Variants in PPFIA2 observed in about 807,000 individuals in gnomAD.
PPFIA2 encodes PPFI scaffold protein A2.
Under a neutral mutation model 175.5 loss-of-function variants are expected in PPFIA2, and 46 were observed. The observed-to-expected ratio is 0.26, with a 90% CI of 0.21 to 0.34. The LOEUF is 0.34. Among genes scored for constraint, PPFIA2 ranks in the 10% least tolerant of loss-of-function variants. The probability of loss-of-function intolerance (pLI) is 1.00; values close to 1 mark genes in which losing one functional copy is unlikely to be tolerated. For synonymous variants in PPFIA2, 568 were observed against 511.4 expected (o/e 1.11, Z -1.49); for missense variants, 1,179 against 1,506.1 (o/e 0.78, Z 3.60).
At chr12:81,506,842 A>C (rs755572127) in intron 4 of PPFIA2, among the ~76,000 whole-genome samples, 8 of 152,234 alleles carry the variant, frequency 5.3e-5, no homozygotes, top group Non-Finnish European at 1.2e-4. Flanking sequence ...CAACACAGAT[A>C]ATATGTATAC....
chr12:81,642,689 T>C (rs1214393171), intron 4 of PPFIA2, among the ~76,000 whole-genome samples: 4,018 of 99,988 alleles, frequency 0.04, 1,306 homozygotes, highest in East Asian at 0.2. Flanking sequence ...GTATCTATTA[T>C]ATACATACAT....
At chr12:81,696,477 C>T (rs1254796801) in intron 3 of PPFIA2, among the ~76,000 whole-genome samples, 1 of 152,082 alleles carries the variant, frequency 6.6e-6, no homozygotes, top group Admixed American at 6.6e-5. Flanking sequence ...TGACATATTG[C>T]ATATTTGCAT....
At chr12:81,372,887 G>A (rs775132787) in intron 11 of PPFIA2, among the ~76,000 whole-genome samples, 11 of 151,588 alleles carry the variant, frequency 7.3e-5, no homozygotes, top group Non-Finnish European at 1.6e-4. Flanking sequence ...ACAGTAAAGG[G>A]AGGAGAAAGC....
chr12:81,643,667 T>C (rs1314588488), intron 4 of PPFIA2, among the ~76,000 whole-genome samples: 1 of 151,898 alleles, frequency 6.6e-6, no homozygotes, highest in East Asian at 1.9e-4. Context: ...GAATTTGGAG[T>C]CACCTGAAGG....
At chr12:81,726,433 C>T (rs1036908696) in intron 3 of PPFIA2, among the ~76,000 whole-genome samples, 4 of 151,222 alleles carry the variant, frequency 2.6e-5, no homozygotes, top group Non-Finnish European at 5.9e-5. Context: ...ACCCTTTATA[C>T]TTGAAATCTT....
In PPFIA2 at chr12:81,347,906, T is replaced by G. The variant is rs544831677; in HGVS notation, c.1995-136A>C. ...AACATTTTACATCAAATCTAATTTT[T>G]TCATCTTTTTTTTTTCTCTAAATAG... On this transcript the variant is annotated intron_variant, in intron 17 of 32. Transcript: ENST00000549396. The G allele has an allele frequency of 6.0e-6, 8 of 1,332,372 alleles. No homozygotes were observed. In the East Asian group the frequency reaches 2.2e-4, roughly 36 times the overall value. 82.5% of individuals were successfully genotyped at this position (1,332,372 alleles called of 1,614,324 possible). A position where few individuals can be genotyped will look rare whatever the true frequency, so the allele number is the denominator to read the frequency against.
intron 16 of PPFIA2, among the ~76,000 whole-genome samples, chr12:81,355,960 C>T (rs2060794293): frequency 6.6e-6 from 1 of 152,194 alleles, no homozygotes; most frequent in African/African-American, 2.4e-5. Flanking sequence ...TATTTTCCTT[C>T]AGGAACTTTT....
At chr12:81,335,033 C>A (rs922210830) in intron 21 of PPFIA2, among the ~76,000 whole-genome samples, 1 of 152,108 alleles carries the variant, frequency 6.6e-6, no homozygotes, top group Non-Finnish European at 1.5e-5. Context: ...GCACCTATTT[C>A]TAGCGTTTCA....
intron 7 of PPFIA2, 54 bp from the exon 8 acceptor site, chr12:81,405,957 A>G (rs567857388): frequency 2.0e-5 from 20 of 999,138 alleles, no homozygotes; most frequent in Admixed American, 2.6e-5. Flanking sequence ...TAAAATATAA[A>G]AAGAAAATGA....
chr12:81,305,064 T>C (rs1226881738), intron 22 of PPFIA2, among the ~76,000 whole-genome samples: 1 of 152,058 alleles, frequency 6.6e-6, no homozygotes, highest in African/African-American at 2.4e-5. Context: ...GCACACAGCA[T>C]ACATTCAATA....
intron 23 of PPFIA2, among the ~76,000 whole-genome samples, 165 bp downstream of exon 23, chr12:81,299,136 T>C (rs142327363): frequency 1.5e-3 from 221 of 152,314 alleles, no homozygotes; most frequent in Non-Finnish European, 1.3e-3. Flanking sequence ...CAAAAAAGTG[T>C]CAGCATAAAA....
At chr12:81,278,803 A>G (rs2041294775) in intron 27 of PPFIA2, among the ~76,000 whole-genome samples, 1 of 152,222 alleles carries the variant, frequency 6.6e-6, no homozygotes, top group African/African-American at 2.4e-5. Context: ...AAGAGTAAAG[A>G]TCATTGATTA....
At chr12:81,481,998 A>G (rs1240862306) in intron 4 of PPFIA2, among the ~76,000 whole-genome samples, 1 of 152,212 alleles carries the variant, frequency 6.6e-6, no homozygotes, top group East Asian at 1.9e-4. Flanking sequence ...TCCATCTGAC[A>G]AAGGGCTAAT....
At chr12:81,270,872 T>C (rs930637819) in intron 28 of PPFIA2, 1 of 152,236 alleles carries the variant, frequency 6.6e-6, no homozygotes, top group Non-Finnish European at 1.5e-5. Context: ...TTACTTTCCA[T>C]ATTTTAAATC....
At chr12:81,595,745 G>A (rs1330061157) in intron 4 of PPFIA2, among the ~76,000 whole-genome samples, 1 of 152,030 alleles carries the variant, frequency 6.6e-6, no homozygotes, top group Non-Finnish European at 1.5e-5. Flanking sequence ...GAACTGCTTA[G>A]GTCAAATACA....
At position 81,603,014 on chromosome 12, in the gene PPFIA2, T is replaced by C. The variant is rs189585478; in HGVS notation, c.303+73777A>G. 1.7e-3 allele frequency among the ~76,000 whole-genome samples: 264 copies of C among 151,952 alleles called. 1 individual carries two copies. Among genetic ancestry groups the C allele is most frequent in the African/African-American group, 6.2e-3 (256 of 41,534 alleles). On this transcript the variant is annotated intron_variant, in intron 4 of 32. Coordinates refer to ENST00000549396, the MANE Select transcript of PPFIA2 (RefSeq NM_003625.5). ...GTGCTGCTTACACAATATGGCTAAG[T>C]AATTGCTTTAAACATCATTTCTAAT...
Position 81,431,765 on chromosome 12 carries a change from C to G in PPFIA2, c.645+8207G>C, listed in dbSNP as rs550097640. Among the ~76,000 whole-genome samples, 10 of 152,182 alleles carry G rather than the reference C, an allele frequency of 6.6e-5. No individual in the cohort carries two copies. The South Asian group carries it at 1.9e-3, about 28-fold the overall frequency. The stretch of plus-strand genomic sequence containing the variant: ...TTTAACTTTTTGAGATACCACTAGT[C>G]TATAAAACCGAAAATCCAATCACAT... On this transcript the variant is annotated intron_variant, in intron 7 of 32. Transcript: ENST00000549396.
At chr12:81,327,239 T>A (rs115826824) in intron 21 of PPFIA2, among the ~76,000 whole-genome samples, 14,637 of 152,034 alleles carry the variant, frequency 0.096, 878 homozygotes, top group Middle Eastern at 0.16. Flanking sequence ...TTCAGAGATG[T>A]GGAGTTTGAG....
chr12:81,334,498 A>T (rs902960703), intron 21 of PPFIA2, among the ~76,000 whole-genome samples: 1 of 151,996 alleles, frequency 6.6e-6, no homozygotes, highest in South Asian at 2.1e-4. Context: ...CCAAAAAAAA[A>T]AAAAAATAAA....
Sources: allele counts gnomAD v4.1 joint callset (sites outside exome capture counted in the v4.1 genomes callset), GRCh38; gene constraint gnomAD v4.1.1; transcripts MANE v1.5; gene names NCBI Gene and HGNC (gene_info 2026-07-23, HGNC 2026-07-21).